The following SRBD1 variants were observed in gnomAD, a reference collection of about 807,000 sequenced individuals.
SRBD1 encodes S1 RNA binding domain 1.
In SRBD1, 88 loss-of-function variants were observed where a neutral mutation model predicts 115.3. The observed-to-expected ratio is 0.76, with a 90% confidence interval of 0.64 to 0.91. The LOEUF is 0.91. SRBD1 is among the 40% of genes least tolerant of loss of function. The pLI is 0.00. For missense variants in SRBD1, 1,385 were observed against 1,177.4 expected, an observed-to-expected ratio of 1.18 and a Z score of -2.58; for synonymous variants, 509 against 407.7, an observed-to-expected ratio of 1.25 and a Z score of -2.99.
intron 14 of SRBD1, among the ~76,000 whole-genome samples, chr2:45,540,127 G>A (rs1671888051): frequency 6.6e-6 from 1 of 152,108 alleles, no homozygotes; most frequent in African/African-American, 2.4e-5. Flanking sequence ...CGGATCATGA[G>A]GTCAGGAGTT....
At chr2:45,514,847 T>C (rs1424122786) in intron 14 of SRBD1, among the ~76,000 whole-genome samples, 1 of 152,178 alleles carries the variant, frequency 6.6e-6, no homozygotes, top group Non-Finnish European at 1.5e-5. Flanking sequence ...AACTTCCTTA[T>C]ACCTTACAAA....
chr2:45,561,903 T>A (rs912951284), intron 10 of SRBD1, among the ~76,000 whole-genome samples: 2 of 152,218 alleles, frequency 1.3e-5, no homozygotes, highest in African/African-American at 4.8e-5. Flanking sequence ...TACAGAATGC[T>A]TATTTATATT....
chr2:45,589,711 C>G (rs1673654988), intron 4 of SRBD1, among the ~76,000 whole-genome samples: 1 of 152,160 alleles, frequency 6.6e-6, no homozygotes, highest in African/African-American at 2.4e-5. Flanking sequence ...CTAACAAAAC[C>G]ACATACAAGC....
chr2:45,461,925 ATCC>A (rs756081569), intron 16 of SRBD1, among the ~76,000 whole-genome samples: 67 of 152,096 alleles, frequency 4.4e-4, no homozygotes, highest in Non-Finnish European at 8.5e-4. Flanking sequence ...TAACGTGTCG[ATCC>A]TCCTCCCTTT....
chr2:45,508,589 A>G (rs892192401), intron 14 of SRBD1, among the ~76,000 whole-genome samples: 3 of 152,196 alleles, frequency 2.0e-5, no homozygotes, highest in African/African-American at 4.8e-5. Flanking sequence ...TTATTGTAGT[A>G]TATCACACAC....
intron 16 of SRBD1, among the ~76,000 whole-genome samples, chr2:45,434,911 C>A (rs1668443714): frequency 6.6e-6 from 1 of 151,914 alleles, no homozygotes; most frequent in Admixed American, 6.6e-5. Context: ...CTAATGCTAT[C>A]CCTCCCCGCT....
Position 45,581,732 on chromosome 2 carries a change from G to A in SRBD1, c.894C>T (p.Ala298=), listed in dbSNP as rs1398324764. The change falls in exon 6 of 21, where the codon GCC becomes GCT. Residue 298 remains alanine, a synonymous_variant. Coordinates refer to ENST00000263736, the MANE Select transcript of SRBD1 (RefSeq NM_018079.5). ...EGKMSECLLK[A]MLNCKTFEEL... is the part of the protein sequence containing the mutation. ...CTTCAAAAGTTTTACAATTCAGCAT[G>A]GCTTTTAACAAGCACTCAGACATCT... 2 of 1,613,378 alleles carry A rather than the reference G, an allele frequency of 1.2e-6. No homozygotes were observed. The highest frequency in any genetic ancestry group is 3.3e-5 in the Admixed American group (2 of 59,952).
At chr2:45,457,011 A>G (rs1045544933) in intron 16 of SRBD1, among the ~76,000 whole-genome samples, 2 of 151,982 alleles carry the variant, frequency 1.3e-5, no homozygotes, top group African/African-American at 4.8e-5. Context: ...AAGGTCATGG[A>G]TATTAATCAC....
At chr2:45,563,214 TTA>T (rs1361313815) in intron 9 of SRBD1, among the ~76,000 whole-genome samples, 4 of 152,156 alleles carry the variant, frequency 2.6e-5, no homozygotes, top group Non-Finnish European at 4.4e-5. Context: ...TTTAAATATA[TTA>T]TCTCAAGTAA....
At chr2:45,573,492 C>A in intron 8 of SRBD1, 150 bp from the exon 9 acceptor site, 1 of 852,996 alleles carries the variant, frequency 1.2e-6, no homozygotes. Flanking sequence ...ATATTACTAC[C>A]CCATCAAAAG....
chr2:45,432,353 T>C (rs113452815), intron 16 of SRBD1, among the ~76,000 whole-genome samples: 55 of 152,258 alleles, frequency 3.6e-4, no homozygotes, highest in African/African-American at 9.9e-4. Flanking sequence ...AAACTAAAAA[T>C]CATATCTATT....
In SRBD1 at chr2:45,416,924, G is replaced by T. The variant is rs561315359; in HGVS notation, c.2333+1441C>A. 2.0e-3 allele frequency among the ~76,000 whole-genome samples: 300 copies of T among 152,152 alleles called. 2 individuals are homozygous for T. The highest frequency in any genetic ancestry group is 6.9e-3 in the African/African-American group (285 of 41,518). On this transcript the variant is annotated intron_variant, in intron 18 of 20. Transcript: ENST00000263736. Reference sequence around the variant, plus strand: ...CTCCTGGGTAGCTGGGATTACAGGTGAGCACCACCATGCTCAGCTAATTTT... The same window carrying T: ...CTCCTGGGTAGCTGGGATTACAGGTTAGCACCACCATGCTCAGCTAATTTT...
At chr2:45,413,326 A>C (rs1667662336) in intron 18 of SRBD1, 33 bp from the exon 19 acceptor site, 1 of 1,593,832 alleles carries the variant, frequency 6.3e-7, no homozygotes, top group Non-Finnish European at 8.5e-7. Flanking sequence ...ACATTTATGA[A>C]AAGGGGAAGG....
intron 4 of SRBD1, among the ~76,000 whole-genome samples, chr2:45,597,194 G>C (rs548412992): frequency 7.8e-4 from 118 of 152,250 alleles, no homozygotes; most frequent in African/African-American, 2.7e-3. Context: ...AAAGAGGTGG[G>C]CGGATCACCA....
intron 16 of SRBD1, among the ~76,000 whole-genome samples, chr2:45,430,637 A>G (rs1668303351): frequency 6.6e-6 from 1 of 152,194 alleles, no homozygotes; most frequent in Non-Finnish European, 1.5e-5. Flanking sequence ...TTATACAAAA[A>G]TTAACTCAAG....
At chr2:45,409,858 G>A (rs1337630890) in intron 19 of SRBD1, among the ~76,000 whole-genome samples, 1 of 151,894 alleles carries the variant, frequency 6.6e-6, no homozygotes, top group Non-Finnish European at 1.5e-5. Context: ...AATAAAAGAT[G>A]ACCTAAATAA....
At chr2:45,415,059 T>C (rs1393153755) in intron 18 of SRBD1, among the ~76,000 whole-genome samples, 1 of 8,104 alleles carries the variant, frequency 1.2e-4, no homozygotes, top group Non-Finnish European at 1.8e-4. Flanking sequence ...TATACACACA[T>C]ATAGTGTGTA....
At chr2:45,429,089 T>C (rs115151044) in intron 16 of SRBD1, among the ~76,000 whole-genome samples, 4,079 of 152,184 alleles carry the variant, frequency 0.027, 74 homozygotes, top group Non-Finnish European at 0.042. Context: ...CACCCAAGAC[T>C]ACACCAGGAA....
intron 12 of SRBD1, among the ~76,000 whole-genome samples, chr2:45,547,995 T>C (rs1672175800): frequency 6.6e-6 from 1 of 152,118 alleles, no homozygotes; most frequent in African/African-American, 2.4e-5. Flanking sequence ...TGACTTTATT[T>C]ACCTTGTGCA....
Sources: allele counts gnomAD v4.1 joint callset (sites outside exome capture counted in the v4.1 genomes callset), GRCh38; gene constraint gnomAD v4.1.1; transcripts MANE v1.5; gene names NCBI Gene and HGNC (gene_info 2026-07-23, HGNC 2026-07-21).